MYO1D: variants seen among roughly 807,000 people sequenced by gnomAD.
MYO1D encodes the protein myosin ID, also known as unconventional myosin-Id.
Under a neutral mutation model 122.0 loss-of-function variants are expected in MYO1D, and 83 were observed. The observed-to-expected ratio is 0.68, with a 90% CI of 0.57 to 0.82. The LOEUF is 0.82. MYO1D is among the 40% of genes least tolerant of loss of function. The pLI, the probability that MYO1D is intolerant of heterozygous loss-of-function variation, is 0.00. For synonymous variants in MYO1D, 464 were observed against 446.9 expected, an observed-to-expected ratio of 1.04 and a Z score of -0.48; for missense variants, 1,157 against 1,269.5, an observed-to-expected ratio of 0.91 and a Z score of 1.35.
chr17:32,622,278 A>G (rs1404838559), intron 20 of MYO1D, among the ~76,000 whole-genome samples: 1 of 151,980 alleles, frequency 6.6e-6, no homozygotes, highest in Non-Finnish European at 1.5e-5. Flanking sequence ...AGGTCCTTGT[A>G]ATTTCTTAAG....
intron 1 of MYO1D, among the ~76,000 whole-genome samples, chr17:32,855,486 T>G (rs146373856): frequency 6.6e-6 from 1 of 152,270 alleles, no homozygotes; most frequent in Non-Finnish European, 1.5e-5. Flanking sequence ...GATTAATTCA[T>G]GCTGATGTAT....
At position 32,775,900 on chromosome 17, in the gene MYO1D, A is replaced by G; in HGVS notation, c.528T>C (p.Pro176=). Residue 176 remains proline (P), a synonymous_variant, in exon 4 of 22, where the codon CCT becomes CCC. Coordinates refer to ENST00000318217, the MANE Select transcript of MYO1D (RefSeq NM_015194.3). ...AGTAGTTATTGATATGCCCACCAAT[A>G]GGGTCACCCTTGAAGTCAAAGTTGA... is the stretch of plus-strand genomic sequence containing the variant. ...MDINFDFKGD[P]IGGHINNYLL... 6.2e-7 allele frequency: 1 copy of G among 1,613,406 alleles called. No individual in the cohort carries two copies. Among genetic ancestry groups the G allele is most frequent in the South Asian group, 1.1e-5 (1 of 91,016 alleles).
intron 1 of MYO1D, among the ~76,000 whole-genome samples, chr17:32,796,616 G>A (rs2090419476): frequency 6.6e-6 from 1 of 152,122 alleles, no homozygotes; most frequent in Admixed American, 6.5e-5. Context: ...TTTTTGCCAT[G>A]TTGCCCAAGC....
At chr17:32,664,449 C>A (rs114045861) in intron 16 of MYO1D, among the ~76,000 whole-genome samples, 1 of 152,158 alleles carries the variant, frequency 6.6e-6, no homozygotes, top group African/African-American at 2.4e-5. Flanking sequence ...TATTAAAAAA[C>A]AAGTGCTTAA....
chr17:32,650,660 A>G (rs991484124), intron 19 of MYO1D, among the ~76,000 whole-genome samples: 3 of 152,082 alleles, frequency 2.0e-5, no homozygotes, highest in Non-Finnish European at 4.4e-5. Flanking sequence ...TCCTTCTGCA[A>G]AGACTAATCT....
chr17:32,794,561 G>A (rs572034923), intron 1 of MYO1D, among the ~76,000 whole-genome samples: 2 of 151,936 alleles, frequency 1.3e-5, no homozygotes, highest in East Asian at 1.9e-4. Context: ...TGTGCTGGGA[G>A]CCACAAGCAG....
At chr17:32,499,692 C>T (rs538091041) in intron 21 of MYO1D, among the ~76,000 whole-genome samples, 96 of 152,062 alleles carry the variant, frequency 6.3e-4, no homozygotes, top group Middle Eastern at 3.4e-3. Context: ...AGTATGGTGG[C>T]TCACACCTGT....
In MYO1D at chr17:32,492,760, G is replaced by A. The variant is rs3187325; in HGVS notation, c.*1999C>T. 2,918 of 152,628 alleles carry A rather than the reference G, an allele frequency of 0.019. 39 individuals carry two copies. Among genetic ancestry groups the A allele is most frequent in the Non-Finnish European group, 0.029 (1,992 of 68,014 alleles). 9.5% of individuals were successfully genotyped at this position (152,628 alleles called of 1,614,324 possible). A position where few individuals can be genotyped will look rare whatever the true frequency, so the allele number is the denominator to read the frequency against. On this transcript the variant is annotated 3_prime_UTR_variant, in exon 22 of 22. Coordinates refer to ENST00000318217, the MANE Select transcript of MYO1D (RefSeq NM_015194.3). ...CCCCTCATTGTCTACAATCATGCCC[G>A]CTTCCTTTCCCCTCAGCGCCCGGGA...
intron 6 of MYO1D, among the ~76,000 whole-genome samples, chr17:32,769,051 T>G (rs935862727): frequency 6.6e-6 from 1 of 152,220 alleles, no homozygotes; most frequent in African/African-American, 2.4e-5. Flanking sequence ...AAATCTTCAC[T>G]GGTCTAAACT....
chr17:32,861,432 GTGACAAAAAACAAACAT>G (rs1376022936), intron 1 of MYO1D, among the ~76,000 whole-genome samples: 4 of 152,112 alleles, frequency 2.6e-5, no homozygotes, highest in Non-Finnish European at 4.4e-5. Flanking sequence ...ATTCACGAAT[GTGACAAAAAACAAACAT>G]TCAGCCATCT....
At chr17:32,875,206 A>C (rs2091217723) in intron 1 of MYO1D, among the ~76,000 whole-genome samples, 1 of 152,214 alleles carries the variant, frequency 6.6e-6, no homozygotes, top group Non-Finnish European at 1.5e-5. Context: ...CAAAATTATA[A>C]AGGCATTTCT....
At chr17:32,744,939 CT>C (rs1228059664) in intron 13 of MYO1D, among the ~76,000 whole-genome samples, 1 of 152,164 alleles carries the variant, frequency 6.6e-6, no homozygotes. Flanking sequence ...GCTGAGTATA[CT>C]GGTAGGGGAT....
chr17:32,543,445 G>A (rs913581210), intron 21 of MYO1D, among the ~76,000 whole-genome samples: 8 of 150,070 alleles, frequency 5.3e-5, no homozygotes, highest in Non-Finnish European at 1.0e-4. Flanking sequence ...GCGTGGTGGC[G>A]GGCCCCTGTA....
At chr17:32,768,891 C>G (rs1379978208) in intron 6 of MYO1D, among the ~76,000 whole-genome samples, 5 of 152,146 alleles carry the variant, frequency 3.3e-5, no homozygotes, top group African/African-American at 1.2e-4. Context: ...TGGATAAAAT[C>G]TAAATGTCCT....
intron 21 of MYO1D, among the ~76,000 whole-genome samples, chr17:32,603,521 C>CTTTTT (rs776245633): frequency 3.0e-5 from 3 of 99,674 alleles, no homozygotes; most frequent in Non-Finnish European, 4.1e-5. Flanking sequence ...ACATTCTAAA[C>CTTTTT]TTTTTTTTTT....
Position 32,876,648 on chromosome 17 carries a change from C to G in MYO1D, c.95+130G>C, listed in dbSNP as rs374565570. On this transcript the variant is annotated intron_variant, in intron 1 of 21. Coordinates refer to ENST00000318217, the MANE Select transcript of MYO1D (RefSeq NM_015194.3). ...CGGAGCTTGGCAGACCCCCGGACAC[C>G]GCAGCCCGGCCGCGCCTCCATCCCT... 2.2e-4 allele frequency: 153 copies of G among 682,266 alleles called. 4 individuals carry two copies. Among genetic ancestry groups the G allele is most frequent in the Admixed American group, 1.5e-3 (36 of 23,276 alleles). The allele number at this position is 682,266 out of a possible 1,614,324, so 42.3% of individuals were successfully genotyped here.
intron 1 of MYO1D, among the ~76,000 whole-genome samples, chr17:32,815,274 A>T (rs1375707438): frequency 1.3e-5 from 2 of 152,246 alleles, no homozygotes; most frequent in African/African-American, 2.4e-5. Context: ...ATTTTGCTAC[A>T]TAAACTACTG....
chr17:32,684,820 A>G (rs529429582), intron 16 of MYO1D, among the ~76,000 whole-genome samples: 3 of 152,334 alleles, frequency 2.0e-5, no homozygotes, highest in Admixed American at 1.3e-4. Context: ...TTGCCAATGA[A>G]CAACTTGATG....
At chr17:32,508,267 C>T (rs1278179668) in intron 21 of MYO1D, among the ~76,000 whole-genome samples, 2 of 151,382 alleles carry the variant, frequency 1.3e-5, no homozygotes, top group Admixed American at 6.6e-5. Context: ...GTTCAAGCCA[C>T]CCAGTCTATG....
Sources: allele counts gnomAD v4.1 joint callset (sites outside exome capture counted in the v4.1 genomes callset), GRCh38; gene constraint gnomAD v4.1.1; transcripts MANE v1.5; gene names NCBI Gene and HGNC (gene_info 2026-07-23, HGNC 2026-07-21).